The following NWD1 variants were observed in gnomAD, a reference collection of about 807,000 sequenced individuals.
NWD1 encodes the protein NACHT domain- and WD repeat-containing protein 1.
A neutral mutation model predicts 135.1 loss-of-function variants in NWD1; 129 were observed. That is an observed-to-expected ratio of 0.96 (90% CI 0.83 to 1.11). NWD1 has a LOEUF of 1.11. NWD1 is among the 50% of genes least tolerant of loss of function. The pLI is 0.00. For synonymous variants in NWD1, 773 were observed against 786.0 expected, an observed-to-expected ratio of 0.98 and a Z score of 0.28; for missense variants, 1,740 against 1,851.3, an observed-to-expected ratio of 0.94 and a Z score of 1.10.
intron 10 of NWD1, among the ~76,000 whole-genome samples, chr19:16,767,167 CTTTTTTTTTTT>C (rs56324724): frequency 6.0e-5 from 4 of 67,024 alleles, no homozygotes; most frequent in African/African-American, 9.3e-5. Flanking sequence ...AGAGGTGCGT[CTTTTTTTTTTT>C]TTTTTTTTTT....
intron 8 of NWD1, among the ~76,000 whole-genome samples, chr19:16,763,372 C>T (rs530410830): frequency 7.2e-5 from 11 of 152,264 alleles, no homozygotes; most frequent in Middle Eastern, 6.8e-3. Context: ...TCAGTGCCTT[C>T]GTGATCTGCT....
intron 12 of NWD1, among the ~76,000 whole-genome samples, chr19:16,781,609 C>G (rs1021803496): frequency 1.3e-5 from 2 of 150,950 alleles, no homozygotes; most frequent in African/African-American, 4.9e-5. Context: ...CAGCGAGACC[C>G]TATCTCAAAA....
intron 17 of NWD1, among the ~76,000 whole-genome samples, chr19:16,805,232 T>C (rs976717990): frequency 4.0e-5 from 6 of 151,898 alleles, no homozygotes; most frequent in Admixed American, 3.9e-4. Flanking sequence ...CTTATTTTTG[T>C]ATTTTTAGTA....
At chr19:16,739,813 C>T (rs1968006675) in intron 4 of NWD1, among the ~76,000 whole-genome samples, 1 of 152,150 alleles carries the variant, frequency 6.6e-6, no homozygotes, top group South Asian at 2.1e-4. Flanking sequence ...CCCAGTGTCT[C>T]CAGAGCTCTG....
intron 11 of NWD1, among the ~76,000 whole-genome samples, chr19:16,775,300 TA>T (rs59783116): frequency 7.3e-5 from 11 of 151,002 alleles, no homozygotes; most frequent in South Asian, 4.2e-4. Context: ...TCAGATGTTG[TA>T]AAAAAAAATG....
intron 11 of NWD1, among the ~76,000 whole-genome samples, chr19:16,778,005 A>G (rs9797695): frequency 1.0e-5 from 1 of 98,520 alleles, no homozygotes; most frequent in East Asian, 3.5e-4. Flanking sequence ...GGGAAGGGAA[A>G]GGGAAGGAAG....
At chr19:16,792,429 C>T (rs1266360860) in intron 14 of NWD1, among the ~76,000 whole-genome samples, 2 of 151,968 alleles carry the variant, frequency 1.3e-5, no homozygotes, top group African/African-American at 4.8e-5. Context: ...GTAATGCCAG[C>T]ACTTTGGGAG....
At chr19:16,731,028 G>T in intron 2 of NWD1, 164 bp from the exon 3 acceptor site, 1 of 465,642 alleles carries the variant, frequency 2.1e-6, no homozygotes. Context: ...AGAATCTCTT[G>T]AGGCCAGGAA....
intron 6 of NWD1, among the ~76,000 whole-genome samples, chr19:16,755,968 A>C (rs1380803037): frequency 1.3e-5 from 2 of 152,258 alleles, no homozygotes; most frequent in East Asian, 3.9e-4. Flanking sequence ...CTAATAGCCT[A>C]CTGTTGACCA....
intron 4 of NWD1, among the ~76,000 whole-genome samples, chr19:16,738,038 A>G (rs1967911414): frequency 6.6e-6 from 1 of 152,210 alleles, no homozygotes; most frequent in South Asian, 2.1e-4. Flanking sequence ...CCAACAAGCT[A>G]TAGCCTGAAA....
At chr19:16,776,303 C>T (rs1328596334) in intron 11 of NWD1, among the ~76,000 whole-genome samples, 1 of 152,074 alleles carries the variant, frequency 6.6e-6, no homozygotes, top group African/African-American at 2.4e-5. Context: ...GGCATGGTGG[C>T]TCACGCCTGT....
chr19:16,766,277 C>T lies in NWD1; in HGVS notation c.2410+1085C>T, dbSNP rs142921351. Among the ~76,000 whole-genome samples, 1,038 of 152,266 alleles carry T rather than the reference C, an allele frequency of 6.8e-3. 7 individuals are homozygous for T. Among genetic ancestry groups the T allele is most frequent in the Non-Finnish European group, 0.01 (703 of 68,024 alleles). ...TCAGGCTGAGCATGATGGCTTACAC[C>T]TGTAGTCCCAGCTACTTGGGAAGGT... is the stretch of plus-strand genomic sequence containing the variant. On this transcript the variant is annotated intron_variant, in intron 10 of 18. Transcript: ENST00000524140.
intron 18 of NWD1, among the ~76,000 whole-genome samples, chr19:16,811,229 C>T (rs758216594): frequency 5.9e-5 from 9 of 152,144 alleles, no homozygotes; most frequent in Non-Finnish European, 1.3e-4. Context: ...TAAATACAAT[C>T]ATAGCTAACA....
intron 9 of NWD1, 27 bp from the exon 10 acceptor site, chr19:16,765,007 C>T (rs754316022): frequency 3.7e-6 from 6 of 1,612,412 alleles, no homozygotes; most frequent in Non-Finnish European, 5.1e-6. Flanking sequence ...AGGCACTTCC[C>T]ACATCCTCCC....
intron 6 of NWD1, 76 bp downstream of exon 6, chr19:16,750,487 C>T: frequency 1.7e-6 from 2 of 1,172,468 alleles, no homozygotes; most frequent in East Asian, 2.6e-5. Flanking sequence ...GGAGGTCTGG[C>T]TATGTCACCC....
Position 16,749,345 on chromosome 19 carries a change from C to T in NWD1, c.703C>T (p.His235Tyr). ...SSLKSHITDM[H>Y]PGVLKTHRLP... ...CCTCAAAAGTCACATCACTGACATG[C>T]ACCCAGGGGTCCTCAAGACCCACCG... Residue 235 changes from histidine (H) to tyrosine (Y), a missense_variant, in exon 6 of 19, where the codon CAC (histidine) becomes TAC (tyrosine). Coordinates refer to ENST00000524140, the MANE Select transcript of NWD1 (RefSeq NM_001007525.5). The T allele has an allele frequency of 6.2e-7, 1 of 1,613,780 alleles. No homozygotes were observed. Among genetic ancestry groups the T allele is most frequent in the Non-Finnish European group, 8.5e-7 (1 of 1,179,848 alleles).
chr19:16,783,017 C>CTTCT (rs1969913016), intron 12 of NWD1, among the ~76,000 whole-genome samples: 1 of 134,834 alleles, frequency 7.4e-6, no homozygotes, highest in Non-Finnish European at 1.5e-5. Context: ...TCTTTCTTTC[C>CTTCT]TTCTTTCTTT....
At chr19:16,749,102 T>C (rs536943094) in intron 5 of NWD1, 37 bp from the exon 6 acceptor site, 1 of 1,529,928 alleles carries the variant, frequency 6.5e-7, no homozygotes, top group South Asian at 1.3e-5. Context: ...GACCCAATAA[T>C]GACCACACTT....
At chr19:16,740,689 G>A (rs1234387223) in intron 4 of NWD1, among the ~76,000 whole-genome samples, 1 of 142,644 alleles carries the variant, frequency 7.0e-6, no homozygotes, top group Non-Finnish European at 1.5e-5. Context: ...CCGTTACCCA[G>A]GCTAACTCCT....
Sources: gnomAD v4.1 joint callset for allele counts (sites outside exome capture counted in the v4.1 genomes callset) on GRCh38, gnomAD v4.1.1 for gene constraint, MANE v1.5 for transcripts, NCBI Gene and HGNC (gene_info 2026-07-23, HGNC 2026-07-21) for gene names.